The following SPAM1 variants were observed in gnomAD, a reference collection of about 807,000 sequenced individuals.
SPAM1 encodes hyaluronidase PH-20.
SPAM1 carries 22 observed loss-of-function variants against 29.6 expected under a neutral mutation model. That is an observed-to-expected ratio of 0.74 (90% CI 0.53 to 1.06). The LOEUF (loss-of-function observed/expected upper bound fraction) is 1.06. Ranked by LOEUF, SPAM1 falls within the 50% of genes least tolerant of loss-of-function variation. SPAM1 has a pLI of 0.00. For missense variants in SPAM1, 534 were observed against 604.0 expected, an observed-to-expected ratio of 0.88 and a Z score of 1.21; for synonymous variants, 194 against 204.6, an observed-to-expected ratio of 0.95 and a Z score of 0.44.
intron 1 of SPAM1, among the ~76,000 whole-genome samples, chr7:123,932,848 G>C (rs1404472031): frequency 6.6e-6 from 1 of 152,068 alleles, no homozygotes; most frequent in African/African-American, 2.4e-5. Context: ...TTTGCTGGGT[G>C]CTCCCAAGAT....
chr7:123,943,451 A>G (rs1020683245), intron 1 of SPAM1, among the ~76,000 whole-genome samples: 2 of 152,170 alleles, frequency 1.3e-5, no homozygotes, highest in Non-Finnish European at 2.9e-5. Flanking sequence ...ACAATTTCAC[A>G]TAATAATCAT....
chr7:123,940,405 C>T (rs534618909), intron 1 of SPAM1, among the ~76,000 whole-genome samples: 2 of 151,682 alleles, frequency 1.3e-5, no homozygotes, highest in Non-Finnish European at 2.9e-5. Flanking sequence ...ATTTTTTTCC[C>T]CAAAGGAATT....
downstream of SPAM1, chr7:123,960,107 G>A: frequency 7.9e-7 from 1 of 1,257,880 alleles, no homozygotes; most frequent in Non-Finnish European, 1.1e-6. Flanking sequence ...CCTAGGAAAT[G>A]ACGATTTTCT....
At chr7:123,948,953 C>T (rs1257659815) in intron 1 of SPAM1, among the ~76,000 whole-genome samples, 3 of 148,002 alleles carry the variant, frequency 2.0e-5, no homozygotes, top group African/African-American at 7.4e-5. Flanking sequence ...GAGCTGAGGA[C>T]TAAGCCAAGA....
chr7:123,965,371 T>C (rs1333845001), intron 5 of SPAM1, among the ~76,000 whole-genome samples: 1 of 152,076 alleles, frequency 6.6e-6, no homozygotes, highest in Non-Finnish European at 1.5e-5. Flanking sequence ...CATGATATCT[T>C]TGCCCTTGCC....
At chr7:123,946,878 G>A (rs910235640) in intron 1 of SPAM1, among the ~76,000 whole-genome samples, 1 of 152,102 alleles carries the variant, frequency 6.6e-6, no homozygotes, top group African/African-American at 2.4e-5. Context: ...CCTTTGTCCA[G>A]GAGGCATTTC....
Position 123,959,530 on chromosome 7 carries a change from C to G in SPAM1, c.1091C>G (p.Pro364Arg), listed in dbSNP as rs761952088. 1.9e-6 allele frequency: 3 copies of G among 1,612,718 alleles called. No individual in the cohort carries two copies. Among genetic ancestry groups the G allele is most frequent in the South Asian group, 1.1e-5 (1 of 91,012 alleles). ...AATTACATGGAGACTATACTGAATC[C>G]TTACATAATCAACGTCACACTAGCA... The part of the protein sequence containing the change: ...LDNYMETILN[P>R]YIINVTLAAK... The change falls in exon 5 of 5, where the codon CCT becomes CGT. Residue 364 changes from proline (P) to arginine (R), a missense_variant. Coordinates refer to ENST00000682466, the MANE Select transcript of SPAM1 (RefSeq NM_153189.3).
At chr7:123,939,103 T>TTTTTA (rs1808344712) in intron 1 of SPAM1, among the ~76,000 whole-genome samples, 1 of 123,066 alleles carries the variant, frequency 8.1e-6, no homozygotes, top group African/African-American at 3.1e-5. Flanking sequence ...TTTTTTTTTT[T>TTTTTA]GAGACAGGGT....
intron 1 of SPAM1, among the ~76,000 whole-genome samples, chr7:123,937,428 C>T (rs573228054): frequency 3.3e-4 from 50 of 151,914 alleles, no homozygotes; most frequent in Admixed American, 2.2e-3. Context: ...GGTGAAATCC[C>T]GTCTCTACTA....
At chr7:123,955,446 C>T (rs1285625717) in intron 4 of SPAM1, among the ~76,000 whole-genome samples, 1 of 151,920 alleles carries the variant, frequency 6.6e-6, no homozygotes, top group Non-Finnish European at 1.5e-5. Flanking sequence ...TCTTTATCCC[C>T]CACCTCATCA....
rs576860273 is a variant in SPAM1, at chr7:123,953,976, C to A, written c.406C>A (p.Pro136Thr). 8.7e-6 allele frequency: 14 copies of A among 1,613,706 alleles called. No homozygotes were observed. The South Asian group carries it at 9.9e-5, about 11-fold the overall frequency. ...KAKKDITFYM[P>T]VDNLGMAVID... ...TAAGAAAGACATTACATTTTATATG[C>A]CAGTAGACAATTTGGGAATGGCTGT... Residue 136 changes from proline (P) to threonine (T), a missense_variant, in exon 3 of 5, where the codon CCA becomes ACA. Physicochemically the swap from Pro to Thr is conservative, Grantham distance 38. Transcript: ENST00000682466.
At chr7:123,970,703 C>G (rs1193887925) in intron 6 of SPAM1, among the ~76,000 whole-genome samples, 1 of 151,012 alleles carries the variant, frequency 6.6e-6, no homozygotes, top group Non-Finnish European at 1.5e-5. Context: ...AAATCAGTAC[C>G]CTTAGAATGT....
intron 1 of SPAM1, among the ~76,000 whole-genome samples, chr7:123,935,434 A>C (rs1020183780): frequency 5.3e-5 from 8 of 152,232 alleles, no homozygotes; most frequent in Non-Finnish European, 1.0e-4. Flanking sequence ...ACAAAACTAA[A>C]GCACAGTGAA....
chr7:123,939,750 G>A (rs1223860875), intron 1 of SPAM1, among the ~76,000 whole-genome samples: 1 of 152,068 alleles, frequency 6.6e-6, no homozygotes, highest in African/African-American at 2.4e-5. Context: ...TCCAGTTCTA[G>A]CAAGAACCTG....
chr7:123,932,545 A>C (rs1405081582), intron 1 of SPAM1: 1 of 152,626 alleles, frequency 6.6e-6, no homozygotes, highest in Non-Finnish European at 1.5e-5. Context: ...GAAAAAGTGT[A>C]CAAGACCCTA....
downstream of SPAM1, among the ~76,000 whole-genome samples, chr7:123,960,683 C>A (rs180977949): frequency 6.6e-6 from 1 of 151,710 alleles, no homozygotes; most frequent in Admixed American, 6.6e-5. Context: ...TTCCCCATAC[C>A]CCCCTAGAAA....
intron 1 of SPAM1, among the ~76,000 whole-genome samples, chr7:123,941,924 G>A (rs1416860630): frequency 6.6e-6 from 1 of 152,128 alleles, no homozygotes; most frequent in Non-Finnish European, 1.5e-5. Context: ...TTTTTAGCAG[G>A]TTGTGAAATC....
rs376913886 is a variant in SPAM1, at chr7:123,928,738, T to C, written c.-319+3386T>C. Among the ~76,000 whole-genome samples the C allele has an allele frequency of 1.8e-4, 27 of 152,218 alleles. 1 individual carries two copies. The East Asian group carries it at 1.9e-3, about 11-fold the overall frequency. On this transcript the variant is annotated intron_variant, in intron 1 of 4. Coordinates refer to ENST00000682466, the MANE Select transcript of SPAM1 (RefSeq NM_153189.3). ...GAGGAAAATGGGTCCTCTGAGGAAGTTGGGGTCTGGAGAGATTGTTTAAGC... is the reference window on the plus strand; with the variant it reads ...GAGGAAAATGGGTCCTCTGAGGAAGCTGGGGTCTGGAGAGATTGTTTAAGC...
intron 1 of SPAM1, among the ~76,000 whole-genome samples, chr7:123,930,970 C>T (rs930769396): frequency 2.6e-5 from 4 of 152,126 alleles, no homozygotes; most frequent in Non-Finnish European, 5.9e-5. Context: ...GTTGGCCACT[C>T]CTGGATTCTT....
Sources: allele counts gnomAD v4.1 joint callset (sites outside exome capture counted in the v4.1 genomes callset), GRCh38; gene constraint gnomAD v4.1.1; transcripts MANE v1.5; gene names NCBI Gene and HGNC (gene_info 2026-07-23, HGNC 2026-07-21).